The following C3 variants were observed in gnomAD, a reference collection of about 807,000 sequenced individuals.
C3 encodes C3 and PZP-like alpha-2-macroglobulin domain-containing protein 1.
In C3, 97 loss-of-function variants were observed where a neutral mutation model predicts 207.9. That is an observed-to-expected ratio of 0.47 (90% CI 0.40 to 0.55). C3 has a LOEUF of 0.55. Ranked by LOEUF, C3 falls within the 20% of genes least tolerant of loss-of-function variation. The pLI is 0.00. For missense variants in C3, 1,684 were observed against 2,171.7 expected, an observed-to-expected ratio of 0.78 and a Z score of 4.46; for synonymous variants, 848 against 857.6, an observed-to-expected ratio of 0.99 and a Z score of 0.20.
intron 7 of C3, chr19:6,713,743 C>A: frequency 2.6e-6 from 1 of 384,972 alleles, no homozygotes; most frequent in Admixed American, 4.2e-5. Context: ...CAGCCCCCCA[C>A]CTTCCCCACT....
chr19:6,678,437 A>C lies in C3; in HGVS notation c.4649T>G (p.Val1550Gly). The C allele has an allele frequency of 6.2e-7, 1 of 1,614,016 alleles. No homozygotes were observed. The highest frequency in any genetic ancestry group is 8.5e-7 in the Non-Finnish European group (1 of 1,179,978). ...AAAGTCATTGGACAGCTGAACCTTG[A>C]CCAGTCGGGTCTTGTACACTGTGGG... is the stretch of plus-strand genomic sequence containing the variant. Reference protein sequence around the residue: ...GVDYVYKTRLVKVQLSNDFDE... With the variant: ...GVDYVYKTRLGKVQLSNDFDE... Residue 1550 changes from valine (V) to glycine (G), a missense_variant, in exon 39 of 41, where the codon GTC (valine) becomes GGC (glycine). Coordinates refer to ENST00000245907, the MANE Select transcript of C3 (RefSeq NM_000064.4).
chr19:6,717,957 G>A lies in C3; in HGVS notation c.504+137C>T, dbSNP rs1430621409. 3 of 816,400 alleles carry A rather than the reference G, an allele frequency of 3.7e-6. No individual in the cohort carries two copies. In the African/African-American group the frequency reaches 5.0e-5, roughly 14 times the overall value. The allele number at this position is 816,400 out of a possible 1,614,324, so 50.6% of individuals were successfully genotyped here. A position where few individuals can be genotyped will look rare whatever the true frequency, so the allele number is the denominator to read the frequency against. On this transcript the variant is annotated intron_variant, in intron 4 of 40. Coordinates refer to ENST00000245907, the MANE Select transcript of C3 (RefSeq NM_000064.4). Reference sequence around the variant, plus strand: ...CTGTATGTGTGTGTGTTGTGTGGGTGTGTGTCTGCATATCTCTTTGCCTCT... The same window carrying A: ...CTGTATGTGTGTGTGTTGTGTGGGTATGTGTCTGCATATCTCTTTGCCTCT...
intron 9 of C3, 151 bp downstream of exon 9, chr19:6,713,038 C>T (rs913069303): frequency 2.5e-5 from 23 of 923,786 alleles, no homozygotes; most frequent in Non-Finnish European, 3.5e-5. Context: ...TACTCGGCCT[C>T]CCCTCTCAGA....
rs562369859 is a variant in C3, at chr19:6,692,561, C to T, written c.3390+363G>A. Among the ~76,000 whole-genome samples the T allele has an allele frequency of 5.3e-5, 8 of 152,092 alleles. No individual in the cohort carries two copies. In the East Asian group the frequency reaches 1.5e-3, roughly 29 times the overall value. On this transcript the variant is annotated intron_variant, in intron 26 of 40. Coordinates refer to ENST00000245907, the MANE Select transcript of C3 (RefSeq NM_000064.4). Reference sequence around the variant, plus strand: ...GAGTGTTGCTTGGACCAGGGGCTGGCCATAAGGATGGAGAGAAGGAGGTGA... The same window carrying T: ...GAGTGTTGCTTGGACCAGGGGCTGGTCATAAGGATGGAGAGAAGGAGGTGA...
chr19:6,685,149 A>G lies in C3; in HGVS notation c.3811-3T>C, dbSNP rs113744846. 5 of 1,613,450 alleles carry G rather than the reference A, an allele frequency of 3.1e-6. No homozygotes were observed. The highest frequency in any genetic ancestry group is 3.4e-6 in the Non-Finnish European group (4 of 1,179,598). On this transcript the variant is annotated splice_polypyrimidine_tract_variant and splice_region_variant and intron_variant, in intron 29 of 40. Coordinates refer to ENST00000245907, the MANE Select transcript of C3 (RefSeq NM_000064.4). ...GCTTGGAACACCATGAAGGTGGCCT[A>G]GAACCCACAAGAGAGAAAGATGGTG... is the stretch of plus-strand genomic sequence containing the variant.
At chr19:6,699,574 C>A (rs1276469436) in intron 19 of C3, among the ~76,000 whole-genome samples, 1 of 151,654 alleles carries the variant, frequency 6.6e-6, no homozygotes, top group Non-Finnish European at 1.5e-5. Context: ...CCTGTCTCTA[C>A]TAAAAAAAGA....
chr19:6,718,124 G>A lies in C3; in HGVS notation c.474C>T (p.Pro158=), dbSNP rs761416159. The A allele has an allele frequency of 7.4e-6, 12 of 1,614,150 alleles. No individual in the cohort carries two copies. The highest frequency in any genetic ancestry group is 1.7e-5 in the Admixed American group (1 of 60,014). ...TGTTGACCATGACCGTCCGGCCCAC[G>A]GGTAGCAGCTTGTGGTTGACGGTGA... The part of the protein sequence containing the change: ...RIFTVNHKLL[P]VGRTVMVNIE... Residue 158 remains proline (P), a synonymous_variant, in exon 4 of 41, where the codon CCC becomes CCT. Coordinates refer to ENST00000245907, the MANE Select transcript of C3 (RefSeq NM_000064.4).
chr19:6,697,052 A>AAAAAAAAAAAAAAAAAG (rs1967552210), intron 21 of C3, among the ~76,000 whole-genome samples: 1 of 88,380 alleles, frequency 1.1e-5, no homozygotes, highest in African/African-American at 4.8e-5. Context: ...AAAAAAATAA[A>AAAAAAAAAAAAAAAAAG]CAAACAAATA....
intron 7 of C3, 121 bp from the exon 8 acceptor site, chr19:6,713,630 C>T (rs1967966945): frequency 2.6e-6 from 2 of 780,404 alleles, no homozygotes; most frequent in Admixed American, 2.0e-5. Flanking sequence ...CTCACCTGGC[C>T]CCACCTCCAG....
intron 14 of C3, 56 bp downstream of exon 14, chr19:6,709,628 A>ACCCCCC: frequency 2.7e-6 from 1 of 370,142 alleles, no homozygotes; most frequent in Non-Finnish European, 4.5e-6. Context: ...CACCTCCCCC[A>ACCCCCC]GCCCCAGCTC....
chr19:6,687,681 T>A (rs1918043852), intron 27 of C3, among the ~76,000 whole-genome samples: 1 of 151,272 alleles, frequency 6.6e-6, no homozygotes, highest in South Asian at 2.1e-4. Context: ...TATTATATAG[T>A]ATTTTCACTA....
intron 15 of C3, 83 bp downstream of exon 15, chr19:6,707,717 C>G: frequency 6.3e-7 from 1 of 1,595,304 alleles, no homozygotes; most frequent in Non-Finnish European, 8.6e-7. Context: ...AACCCAGGCC[C>G]CCGGTTTCCA....
Position 6,686,190 on chromosome 19 carries a change from A to G in C3, c.3744T>C (p.Phe1248=), listed in dbSNP as rs147441936. 20 of 1,614,178 alleles carry G rather than the reference A, an allele frequency of 1.2e-5. No homozygotes were observed. The highest frequency in any genetic ancestry group is 6.7e-5 in the East Asian group (3 of 44,878). Residue 1248 remains phenylalanine, a synonymous_variant, in exon 29 of 41, where the codon TTT becomes TTC. Transcript: ENST00000245907. ...TGAGCCAACGCACGACGGGAGGCAC[A>G]AAGTCAAAGTCTTTTAGCTGCAGTA... ...LALLQLKDFD[F]VPPVVRWLNE...
chr19:6,710,317 G>A (rs535794635), intron 13 of C3, among the ~76,000 whole-genome samples: 79 of 142,098 alleles, frequency 5.6e-4, no homozygotes, highest in African/African-American at 2.0e-3. Context: ...GAAAGGGAAA[G>A]AGACAGGGAG....
Position 6,701,303 on chromosome 19 carries a change from C to T in C3, c.2440+824G>A, listed in dbSNP as rs182656786. On this transcript the variant is annotated intron_variant, in intron 19 of 40. Transcript: ENST00000245907. ...AAACACACCTCTGGGTGGAGATTTT[C>T]GATGCTAATGAGACATGCCACGTGC... Among the ~76,000 whole-genome samples the T allele has an allele frequency of 3.3e-5, 5 of 152,194 alleles. No individual in the cohort carries two copies. In the East Asian group the frequency reaches 9.6e-4, roughly 29 times the overall value.
intron 17 of C3, 186 bp from the exon 18 acceptor site, chr19:6,702,765 G>A (rs1599515459): frequency 1.8e-6 from 1 of 564,990 alleles, no homozygotes; most frequent in East Asian, 3.4e-5. Flanking sequence ...TGGGCACGGT[G>A]GCTCACCCCT....
intron 19 of C3, among the ~76,000 whole-genome samples, chr19:6,699,897 G>A (rs539050126): frequency 6.6e-6 from 1 of 150,448 alleles, no homozygotes; most frequent in South Asian, 2.1e-4. Context: ...AGAATGTTTT[G>A]TAATAAGTTA....
In C3 at chr19:6,700,479, A is replaced by G. The variant is rs188428587; in HGVS notation, c.2440+1648T>C. On this transcript the variant is annotated intron_variant, in intron 19 of 40. Transcript: ENST00000245907. ...TATATATGTTATATATGTAATATAT[A>G]ATATATGTAATATGATATATTATAT... Among the ~76,000 whole-genome samples, 4 of 34,778 alleles carry G rather than the reference A, an allele frequency of 1.2e-4. 1 individual carries two copies. The highest frequency in any genetic ancestry group is 1.4e-3 in the East Asian group (1 of 710). 22.8% of individuals were successfully genotyped at this position (34,778 alleles called of 152,430 possible). A position where few individuals can be genotyped will look rare whatever the true frequency, so the allele number is the denominator to read the frequency against.
rs1478892378 is a variant in C3, at chr19:6,684,387, C to T, written c.4172+1G>A. 6.2e-7 allele frequency: 1 copy of T among 1,613,496 alleles called. No individual in the cohort carries two copies. Among genetic ancestry groups the T allele is most frequent in the Non-Finnish European group, 8.5e-7 (1 of 1,179,402 alleles). On this transcript the variant is annotated splice_donor_variant, in intron 33 of 40. Coordinates refer to ENST00000245907, the MANE Select transcript of C3 (RefSeq NM_000064.4). LOFTEE classifies it high-confidence loss of function. ...TGAACCCCGGTGACCTAGCTTCTTACCTGGTACAGATCTCAAGGATCATAG... is the reference window on the plus strand; with the variant it reads ...TGAACCCCGGTGACCTAGCTTCTTATCTGGTACAGATCTCAAGGATCATAG...
Sources: gnomAD v4.1 joint callset for allele counts (sites outside exome capture counted in the v4.1 genomes callset) on GRCh38, gnomAD v4.1.1 for gene constraint, MANE v1.5 for transcripts, NCBI Gene and HGNC (gene_info 2026-07-23, HGNC 2026-07-21) for gene names.